Variants in AQP2 observed in about 807,000 individuals in gnomAD.
AQP2 encodes the protein aquaporin-2.
Under a neutral mutation model 21.6 loss-of-function variants are expected in AQP2, and 20 were observed. The ratio of observed to expected loss-of-function variants is 0.92; its 90% CI spans 0.65 to 1.34. AQP2 has a LOEUF of 1.34. Ranked by LOEUF, AQP2 falls within the 40% of genes most tolerant of loss-of-function variation. The pLI is 0.00. For missense variants in AQP2, 325 were observed against 363.4 expected, an observed-to-expected ratio of 0.89 and a Z score of 0.86; for synonymous variants, 168 against 166.9, an observed-to-expected ratio of 1.01 and a Z score of -0.05.
rs1433347327 is a variant in AQP2, at chr12:49,956,017, T to C, written c.*409T>C. On this transcript the variant is annotated 3_prime_UTR_variant, in exon 4 of 4. Coordinates refer to ENST00000199280, the MANE Select transcript of AQP2 (RefSeq NM_000486.6). The stretch of plus-strand genomic sequence containing the variant: ...GCAACTGGTTTTACTAGTGTGCAAG[T>C]GTGTTCATCCCCAAGTTCTCTTTTG... The C allele has an allele frequency of 1.5e-5, 5 of 343,194 alleles. No individual in the cohort carries two copies. The East Asian group carries it at 3.3e-4, about 23-fold the overall frequency. The allele number at this position is 343,194 out of a possible 1,614,324, so 21.3% of individuals were successfully genotyped here. A position where few individuals can be genotyped will look rare whatever the true frequency, so the allele number is the denominator to read the frequency against.
Position 49,954,256 on chromosome 12 carries a change from A to G in AQP2, c.462A>G (p.Gly154=). 1 of 1,607,694 alleles carries G rather than the reference A, an allele frequency of 6.2e-7. No homozygotes were observed. Among genetic ancestry groups the G allele is most frequent in the Non-Finnish European group, 8.5e-7 (1 of 1,179,960 alleles). Residue 154 remains glycine (G), a synonymous_variant, in exon 2 of 4, where the codon GGA becomes GGG. Transcript: ENST00000199280. The stretch of plus-strand genomic sequence containing the variant: ...TCGCCTCCACCGATGAGCGCCGCGG[A>G]GAGAACCCGGGCACCCCTGCTCTCT... ...CIFASTDERR[G]ENPGTPALSI...
intron 3 of AQP2, 30 bp from the exon 4 acceptor site, chr12:49,955,369 T>A: frequency 6.2e-7 from 1 of 1,604,210 alleles, no homozygotes; most frequent in Non-Finnish European, 8.5e-7. Flanking sequence ...CCGGCGCGGG[T>A]GCCAAGCCGC....
In AQP2 at chr12:49,950,740, C is replaced by T. The variant is rs1947321896; in HGVS notation, c.-91C>T. On this transcript the variant is annotated 5_prime_UTR_variant, in exon 1 of 4. Transcript: ENST00000199280. ...GCCCACAACCCAGCCTCCCCAGAGG[C>T]CTTGAGAAAGAGAGCGATAGAGTGC... The T allele has an allele frequency of 2.0e-6, 3 of 1,519,060 alleles. No homozygotes were observed. Among genetic ancestry groups the T allele is most frequent in the Non-Finnish European group, 1.8e-6 (2 of 1,130,530 alleles). 94.1% of individuals were successfully genotyped at this position (1,519,060 alleles called of 1,614,324 possible).
At chr12:49,953,906 G>A (rs577426084) in intron 1 of AQP2, among the ~76,000 whole-genome samples, 14 of 152,162 alleles carry the variant, frequency 9.2e-5, no homozygotes, top group African/African-American at 2.9e-4. Context: ...CCAATCTAAT[G>A]GGCTACAGAG....
At chr12:49,954,412 C>T (rs1476217247) in intron 2 of AQP2, 93 bp downstream of exon 2, 3 of 1,418,484 alleles carry the variant, frequency 2.1e-6, no homozygotes, top group Non-Finnish European at 2.9e-6. Flanking sequence ...GGGACACATA[C>T]ACAGAACTCT....
Position 49,955,519 on chromosome 12 carries a change from G to A in AQP2, c.727G>A (p.Asp243Asn). ...GGCAGTGCTGAAGGGCCTGGAGCCG[G>A]ACACCGATTGGGAGGAGCGCGAGGT... ...RLAVLKGLEP[D>N]TDWEEREVRR... Residue 243 changes from aspartate (D) to asparagine (N), a missense_variant, in exon 4 of 4, where the codon GAC (aspartate) becomes AAC (asparagine). Physicochemically the swap from Asp to Asn is conservative, Grantham distance 23. Coordinates refer to ENST00000199280, the MANE Select transcript of AQP2 (RefSeq NM_000486.6). 6.2e-7 allele frequency: 1 copy of A among 1,612,162 alleles called. No individual in the cohort carries two copies. The highest frequency in any genetic ancestry group is 8.5e-7 in the Non-Finnish European group (1 of 1,179,700).
At position 49,956,173 on chromosome 12, in the gene AQP2, C is replaced by G. The variant is rs143040820; in HGVS notation, c.*565C>G. 3.9e-4 allele frequency: 62 copies of G among 159,204 alleles called. No individual in the cohort carries two copies. The highest frequency in any genetic ancestry group is 1.4e-3 in the African/African-American group (60 of 41,642). 9.9% of individuals were successfully genotyped at this position (159,204 alleles called of 1,614,324 possible). On this transcript the variant is annotated 3_prime_UTR_variant, in exon 4 of 4. Coordinates refer to ENST00000199280, the MANE Select transcript of AQP2 (RefSeq NM_000486.6). ...TCCCCAACCTGCAATAAATCCGCTT[C>G]TCCTGCAGTGGATGAGTGTGGGTGC...
At position 49,950,830 on chromosome 12, in the gene AQP2, C is replaced by T; in HGVS notation, c.-1C>T. On this transcript the variant is annotated 5_prime_UTR_variant, in exon 1 of 4. Transcript: ENST00000199280. The stretch of plus-strand genomic sequence containing the variant: ...GGGCCAGCCCCGCAGGGCTCTGCAG[C>T]ATGTGGGAGCTCCGCTCCATAGCCT... 1 of 1,611,410 alleles carries T rather than the reference C, an allele frequency of 6.2e-7. No individual in the cohort carries two copies. Among genetic ancestry groups the T allele is most frequent in the Non-Finnish European group, 8.5e-7 (1 of 1,178,168 alleles).
Position 49,954,319 on chromosome 12 carries a change from G to A in AQP2, c.525G>A (p.Gly175=). The part of the protein sequence containing the change: ...GFSVALGHLL[G]IHYTGCSMNP... ...CTGTGGCCCTGGGCCACCTCCTTGGGGTAGGTCATGGCCATGGGTTCCAGC... is the reference window on the plus strand; with the variant it reads ...CTGTGGCCCTGGGCCACCTCCTTGGAGTAGGTCATGGCCATGGGTTCCAGC... The change falls in exon 2 of 4, where the codon GGG becomes GGA. Residue 175 remains glycine (G), a splice_region_variant and synonymous_variant. Transcript: ENST00000199280. 2.5e-6 allele frequency: 4 copies of A among 1,608,212 alleles called. No homozygotes were observed. Among genetic ancestry groups the A allele is most frequent in the Non-Finnish European group, 3.4e-6 (4 of 1,179,304 alleles).
chr12:49,950,862 G>A lies in AQP2; in HGVS notation c.32G>A (p.Arg11Lys), dbSNP rs148085137. The change falls in exon 1 of 4, where the codon AGG becomes AAG. Residue 11 changes from arginine (R) to lysine (K), a missense_variant. Transcript: ENST00000199280. MWELRSIAFS[R>K]AVFAEFLATL... is the part of the protein sequence containing the mutation. The stretch of plus-strand genomic sequence containing the variant: ...GAGCTCCGCTCCATAGCCTTCTCCA[G>A]GGCTGTGTTCGCAGAGTTCCTGGCC... The A allele has an allele frequency of 6.8e-5, 109 of 1,613,364 alleles. No individual in the cohort carries two copies. In the East Asian group the frequency reaches 2.4e-3, roughly 36 times the overall value.
chr12:49,955,473 C>A lies in AQP2; in HGVS notation c.681C>A (p.Ala227=). 5.0e-6 allele frequency: 8 copies of A among 1,612,886 alleles called. No individual in the cohort carries two copies. The highest frequency in any genetic ancestry group is 6.8e-6 in the Non-Finnish European group (8 of 1,179,848). The stretch of plus-strand genomic sequence containing the variant: ...ACAACTACGTGCTGTTTCCGCCAGC[C>A]AAGAGCCTGTCGGAGCGCCTGGCAG... ...LLYNYVLFPP[A]KSLSERLAVL... Residue 227 remains alanine (A), a synonymous_variant, in exon 4 of 4, where the codon GCC becomes GCA. Coordinates refer to ENST00000199280, the MANE Select transcript of AQP2 (RefSeq NM_000486.6).
rs762882713 is a variant in AQP2 at position 49,955,622 on chromosome 12, C to T, written c.*14C>T. 1.3e-5 allele frequency: 20 copies of T among 1,543,976 alleles called. No individual in the cohort carries two copies. The East Asian group carries it at 4.8e-4, about 37-fold the overall frequency. On this transcript the variant is annotated 3_prime_UTR_variant, in exon 4 of 4. Transcript: ENST00000199280. ...ACCAAGGCCTGAGGGCCGCCAGCGGCCTCTACGGCCCCGACGGACGCTTGT... is the reference window on the plus strand; with the variant it reads ...ACCAAGGCCTGAGGGCCGCCAGCGGTCTCTACGGCCCCGACGGACGCTTGT...
intron 1 of AQP2, 100 bp downstream of exon 1, chr12:49,951,290 G>A (rs867859925): frequency 1.4e-6 from 2 of 1,444,908 alleles, no homozygotes; most frequent in Non-Finnish European, 1.8e-6. Flanking sequence ...TGTAGGGAGA[G>A]AGATGGAGAC....
rs2137150613 is a variant in AQP2 at position 49,956,916 on chromosome 12, C to A, written c.*1308C>A. ...TAGAGCAGCCTGCTGCTCTCAGGAC[C>A]AGAGAAGGGAAATGACTTCTCCAGG... is the stretch of plus-strand genomic sequence containing the variant. On this transcript the variant is annotated 3_prime_UTR_variant, in exon 4 of 4. Transcript: ENST00000199280. 1 of 152,728 alleles carries A rather than the reference C, an allele frequency of 6.5e-6. No homozygotes were observed. The highest frequency in any genetic ancestry group is 6.5e-5 in the Admixed American group (1 of 15,312). The allele number at this position is 152,728 out of a possible 1,614,324, so 9.5% of individuals were successfully genotyped here. A position where few individuals can be genotyped will look rare whatever the true frequency, so the allele number is the denominator to read the frequency against.
Position 49,955,973 on chromosome 12 carries a change from TG to T in AQP2, c.*370del. 2 of 456,142 alleles carry T rather than the reference TG, an allele frequency of 4.4e-6. No individual in the cohort carries two copies. The highest frequency in any genetic ancestry group is 2.4e-5 in the South Asian group (1 of 40,924). The allele number at this position is 456,142 out of a possible 1,614,324, so 28.3% of individuals were successfully genotyped here. A position where few individuals can be genotyped will look rare whatever the true frequency, so the allele number is the denominator to read the frequency against. On this transcript the variant is annotated 3_prime_UTR_variant, in exon 4 of 4. Coordinates refer to ENST00000199280, the MANE Select transcript of AQP2 (RefSeq NM_000486.6). ...GTGGGGAGTGTACAGACCCCTGCCT[TG>T]GGGGTTCCGGGAATGATGCAACTGG...
rs1311153978 is a variant in AQP2 at position 49,954,203 on chromosome 12, C to T, written c.409C>T (p.Leu137=). 2 of 1,602,676 alleles carry T rather than the reference C, an allele frequency of 1.2e-6. No homozygotes were observed. The highest frequency in any genetic ancestry group is 1.7e-6 in the Non-Finnish European group (2 of 1,179,958). The change falls in exon 2 of 4, where the codon CTG becomes TTG. Residue 137 remains leucine, a synonymous_variant. Coordinates refer to ENST00000199280, the MANE Select transcript of AQP2 (RefSeq NM_000486.6). The part of the protein sequence containing the change: ...AGQAVTVELF[L]TLQLVLCIFA... ...CCAGGCGGTGACTGTGGAGCTCTTCCTGACACTGCAGCTGGTGCTCTGCAT... is the reference window on the plus strand; with the variant it reads ...CCAGGCGGTGACTGTGGAGCTCTTCTTGACACTGCAGCTGGTGCTCTGCAT...
rs146384248 is a variant in AQP2 at position 49,954,240 on chromosome 12, C to T, written c.446C>T (p.Thr149Ile). Reference protein sequence around the residue: ...LQLVLCIFASTDERRGENPGT... With the variant: ...LQLVLCIFASIDERRGENPGT... ...CTGGTGCTCTGCATCTTCGCCTCCA[C>T]CGATGAGCGCCGCGGAGAGAACCCG... is the stretch of plus-strand genomic sequence containing the variant. Residue 149 changes from threonine to isoleucine, a missense_variant, in exon 2 of 4, where the codon ACC becomes ATC. Physicochemically the swap from Thr to Ile is moderately conservative, Grantham distance 89 (BLOSUM62 -1). Transcript: ENST00000199280. 1 of 1,606,010 alleles carries T rather than the reference C, an allele frequency of 6.2e-7. No homozygotes were observed. The highest frequency in any genetic ancestry group is 8.5e-7 in the Non-Finnish European group (1 of 1,179,990).
chr12:49,952,257 C>T (rs116689533), intron 1 of AQP2, among the ~76,000 whole-genome samples: 3,190 of 152,104 alleles, frequency 0.021, 80 homozygotes, highest in East Asian at 0.13. Flanking sequence ...TGGGATTACA[C>T]GCCTGTAATC....
chr12:49,952,516 T>G (rs1947337580), intron 1 of AQP2, among the ~76,000 whole-genome samples: 1 of 152,164 alleles, frequency 6.6e-6, no homozygotes, highest in African/African-American at 2.4e-5. Context: ...CAAAATTAGT[T>G]CAGTTTGCAG....
Sources: allele counts gnomAD v4.1 joint callset (sites outside exome capture counted in the v4.1 genomes callset), GRCh38; gene constraint gnomAD v4.1.1; transcripts MANE v1.5; gene names NCBI Gene and HGNC (gene_info 2026-07-23, HGNC 2026-07-21).